Variants in CACNA1C observed in about 807,000 individuals in gnomAD.
The protein encoded by CACNA1C is calcium voltage-gated channel subunit alpha1 C, also known as voltage-dependent L-type calcium channel subunit alpha-1C.
In CACNA1C, 30 loss-of-function variants were observed where a neutral mutation model predicts 229.0. The ratio of observed to expected loss-of-function variants is 0.13; its 90% CI spans 0.10 to 0.18. The LOEUF (loss-of-function observed/expected upper bound fraction) is 0.18, where lower values mean the gene tolerates loss of function less well. Among genes scored for constraint, CACNA1C ranks in the 10% least tolerant of loss-of-function variants. The pLI is 1.00. For synonymous variants in CACNA1C, 1,114 were observed against 1,132.5 expected, an observed-to-expected ratio of 0.98 and a Z score of 0.33; for missense variants, 1,658 against 2,845.0, an observed-to-expected ratio of 0.58 and a Z score of 9.49.
At chr12:2,056,152 C>T (rs1456315048) in intron 1 of CACNA1C, among the ~76,000 whole-genome samples, 1 of 151,952 alleles carries the variant, frequency 6.6e-6, no homozygotes, top group Non-Finnish European at 1.5e-5. Context: ...AGTCCTTGCT[C>T]CCTCACCTTT....
At chr12:2,669,812 G>A (rs2096456304) in intron 38 of CACNA1C, among the ~76,000 whole-genome samples, 1 of 152,190 alleles carries the variant, frequency 6.6e-6, no homozygotes, top group African/African-American at 2.4e-5. Flanking sequence ...GTCAGACCGG[G>A]CTCCCTCAGG....
intron 3 of CACNA1C, among the ~76,000 whole-genome samples, chr12:2,141,602 C>A (rs1048768321): frequency 6.6e-6 from 1 of 151,382 alleles, no homozygotes; most frequent in Non-Finnish European, 1.5e-5. Flanking sequence ...TTTCTGGTCA[C>A]CCCATAAGGG....
At position 2,682,585 on chromosome 12, in the gene CACNA1C, G is replaced by GTCAGGAGGAGACGTC. The variant is rs2097202817; in HGVS notation, c.5487_5501dup (p.Glu1829_Gln1833dup). The GTCAGGAGGAGACGTC allele has an allele frequency of 6.2e-7, 1 of 1,612,574 alleles. No individual in the cohort carries two copies. The highest frequency in any genetic ancestry group is 8.5e-7 in the Non-Finnish European group (1 of 1,179,444). ...CGGGAGAGCCAGGCAGCCATGGCGGGTCAGGAGGAGACGTCTCAGGATGAG... is the reference window on the plus strand; with the variant it reads ...CGGGAGAGCCAGGCAGCCATGGCGGGTCAGGAGGAGACGTCTCAGGAGGAGACGTCTCAGGATGAG... On this transcript the variant is annotated inframe_insertion, in exon 43 of 47. Transcript: ENST00000399655.
chr12:2,446,368 G>GTGGA (rs368724942), intron 3 of CACNA1C, among the ~76,000 whole-genome samples: 23 of 140,772 alleles, frequency 1.6e-4, no homozygotes, highest in African/African-American at 5.5e-4. Flanking sequence ...GTGTGGGTGG[G>GTGGA]TGGATGGATG....
rs973935442 is a variant in CACNA1C at position 2,108,070 on chromosome 12, G to A, written c.50-7154G>A. On this transcript the variant is annotated intron_variant, in intron 1 of 46. Transcript: ENST00000399655. This position sits in a 1 kb window ranked among gnomAD's most constrained non-coding sequence, Gnocchi z 5.3. ...GCGTATGACTGGTAGCAAGGGCTCC[G>A]TAATCCAGCCTAGGATTATAGAGCA... Among the ~76,000 whole-genome samples, 1 of 152,208 alleles carries A rather than the reference G, an allele frequency of 6.6e-6. No homozygotes were observed. The highest frequency in any genetic ancestry group is 1.5e-5 in the Non-Finnish European group (1 of 68,044).
Position 2,665,770 on chromosome 12 carries a change from T to A in CACNA1C, c.4526+62T>A. On this transcript the variant is annotated intron_variant, in intron 36 of 46. Coordinates refer to ENST00000399655, the MANE Select transcript of CACNA1C (RefSeq NM_000719.7). The surrounding 1 kb of genome is among the most constrained non-coding windows in gnomAD (Gnocchi z 5.9). ...GAGAGAGGGTATAGCTGACCATACC[T>A]GCAGGAGGGGCTCAAGGTTGGCCAA... is the stretch of plus-strand genomic sequence containing the variant. 1 of 1,530,068 alleles carries A rather than the reference T, an allele frequency of 6.5e-7. No individual in the cohort carries two copies. Among genetic ancestry groups the A allele is most frequent in the Admixed American group, 2.0e-5 (1 of 50,396 alleles). The allele number at this position is 1,530,068 out of a possible 1,614,324, so 94.8% of individuals were successfully genotyped here. A position where few individuals can be genotyped will look rare whatever the true frequency, so the allele number is the denominator to read the frequency against.
intron 3 of CACNA1C, among the ~76,000 whole-genome samples, chr12:2,282,419 G>A (rs1346045720): frequency 1.3e-5 from 2 of 152,216 alleles, no homozygotes; most frequent in African/African-American, 4.8e-5. Context: ...CAATAGGGAA[G>A]ACTTAGGGAG....
At chr12:2,122,567 C>T (rs1565831857) in intron 3 of CACNA1C, among the ~76,000 whole-genome samples, 1 of 152,212 alleles carries the variant, frequency 6.6e-6, no homozygotes, top group Non-Finnish European at 1.5e-5. Flanking sequence ...CATCTTGAAG[C>T]TGCAGCATCT....
At chr12:2,139,241 C>T (rs980814201) in intron 3 of CACNA1C, among the ~76,000 whole-genome samples, 6 of 150,872 alleles carry the variant, frequency 4.0e-5, no homozygotes, top group African/African-American at 1.5e-4. Context: ...CACTCCAGAT[C>T]TCTGCCTCCG....
intron 1 of CACNA1C, among the ~76,000 whole-genome samples, chr12:2,065,347 CTG>C (rs1342571333): frequency 6.6e-6 from 1 of 152,198 alleles, no homozygotes; most frequent in Non-Finnish European, 1.5e-5. Context: ...GATAAATTGA[CTG>C]TGAAATATCT....
At chr12:2,540,446 A>G (rs1026395625) in intron 9 of CACNA1C, among the ~76,000 whole-genome samples, 7 of 152,032 alleles carry the variant, frequency 4.6e-5, no homozygotes, top group Admixed American at 3.9e-4. Flanking sequence ...CTGAGAAGGG[A>G]TGAAATTTGG....
chr12:2,103,520 G>C (rs1005407731), intron 1 of CACNA1C, among the ~76,000 whole-genome samples: 2 of 152,116 alleles, frequency 1.3e-5, no homozygotes, highest in African/African-American at 2.4e-5. Context: ...CTTCCATTCT[G>C]TAGGTTGCCT....
intron 3 of CACNA1C, among the ~76,000 whole-genome samples, chr12:2,135,790 G>T (rs7132570): frequency 0.041 from 6,055 of 146,302 alleles, 627 homozygotes; most frequent in African/African-American, 0.062. Flanking sequence ...CAGAGGTGGA[G>T]CCTACAGAGG....
intron 10 of CACNA1C, among the ~76,000 whole-genome samples, chr12:2,551,814 T>C (rs1397363581): frequency 1.3e-5 from 2 of 151,258 alleles, no homozygotes; most frequent in Non-Finnish European, 2.9e-5. Flanking sequence ...GTGCAGGTAA[T>C]GAAGAGGAAG....
intron 3 of CACNA1C, among the ~76,000 whole-genome samples, chr12:2,213,369 G>A (rs1213665163): frequency 3.9e-5 from 6 of 152,054 alleles, no homozygotes; most frequent in African/African-American, 1.4e-4. Flanking sequence ...TATTTTCTCT[G>A]CCTCCCTTGG....
At chr12:2,291,969 G>A (rs2093561404) in intron 3 of CACNA1C, among the ~76,000 whole-genome samples, 1 of 152,214 alleles carries the variant, frequency 6.6e-6, no homozygotes, top group Non-Finnish European at 1.5e-5. Context: ...GGAAAGGGTC[G>A]TTTAAGTTTC....
In CACNA1C at chr12:2,665,812, T is replaced by A; in HGVS notation, c.4526+104T>A. The A allele has an allele frequency of 8.8e-7, 1 of 1,134,798 alleles. No homozygotes were observed. The highest frequency in any genetic ancestry group is 1.2e-6 in the Non-Finnish European group (1 of 812,534). The allele number at this position is 1,134,798 out of a possible 1,614,324, so 70.3% of individuals were successfully genotyped here. On this transcript the variant is annotated intron_variant, in intron 36 of 46. Transcript: ENST00000399655. This position sits in a 1 kb window ranked among gnomAD's most constrained non-coding sequence, Gnocchi z 5.9. ...GTTGGCCAACACTGGGTGGATCAAT[T>A]AGAAACACTGGATTGTATCACACCC...
intron 3 of CACNA1C, among the ~76,000 whole-genome samples, chr12:2,145,329 T>C: frequency 6.6e-6 from 1 of 151,194 alleles, no homozygotes; most frequent in Non-Finnish European, 1.5e-5. Flanking sequence ...CAGTGTAGAA[T>C]TGCTGGTTTT....
chr12:2,636,314 A>T (rs1242494093), intron 30 of CACNA1C, among the ~76,000 whole-genome samples: 1 of 152,232 alleles, frequency 6.6e-6, no homozygotes, highest in Non-Finnish European at 1.5e-5. Context: ...TACAGTCACC[A>T]AGGCCCCATC....
Sources: allele counts gnomAD v4.1 joint callset (sites outside exome capture counted in the v4.1 genomes callset), GRCh38; gene constraint gnomAD v4.1.1; non-coding constraint Gnocchi (gnomAD v3.1); transcripts MANE v1.5; gene names NCBI Gene and HGNC (gene_info 2026-07-23, HGNC 2026-07-21).